Variants in UGT2A2 observed in about 807,000 individuals in gnomAD.
UGT2A2 encodes the protein UDP glucuronosyltransferase family 2 member A2.
In UGT2A2, 60 loss-of-function variants were observed where a neutral mutation model predicts 50.7. That is an observed-to-expected ratio of 1.18 (90% CI 0.96 to 1.47). The LOEUF is 1.47. UGT2A2 is among the 40% of genes most tolerant of loss of function. UGT2A2 has a pLI of 0.00. For missense variants in UGT2A2, 762 were observed against 634.0 expected (o/e 1.20, Z -2.17); for synonymous variants, 242 against 214.6 (o/e 1.13, Z -1.11).
At chr4:69,590,465 G>A (rs145944922) in intron 5 of UGT2A2, among the ~76,000 whole-genome samples, 2 of 152,092 alleles carry the variant, frequency 1.3e-5, no homozygotes, top group South Asian at 4.1e-4. Context: ...TTTGTGTCTG[G>A]AAGAAAAGTT....
At chr4:69,590,720 C>T (rs188490798) in intron 5 of UGT2A2, among the ~76,000 whole-genome samples, 14 of 151,610 alleles carry the variant, frequency 9.2e-5, no homozygotes, top group South Asian at 2.1e-4. Context: ...ATGGATCATC[C>T]GAATATACTT....
intron 5 of UGT2A2, among the ~76,000 whole-genome samples, chr4:69,593,326 T>C (rs1284082961): frequency 6.6e-6 from 1 of 151,970 alleles, no homozygotes; most frequent in Non-Finnish European, 1.5e-5. Context: ...AAAAATGACA[T>C]AAATATTGGT....
At position 69,599,309 on chromosome 4, in the gene UGT2A2, T is replaced by C. The variant is rs141874261; in HGVS notation, c.828A>G (p.Pro276=). The change falls in exon 2 of 6, where the codon CCA becomes CCG. Residue 276 remains proline, a synonymous_variant. Transcript: ENST00000604629. The part of the protein sequence containing the change: ...RTYWDFEFPR[P]YLPNFEFVGG... ...CAACAAACTCAAAATTAGGTAAGTA[T>C]GGACGAGGAAATTCAAAATCCCAAT... is the stretch of plus-strand genomic sequence containing the variant. The C allele has an allele frequency of 5.7e-5, 92 of 1,613,794 alleles. No homozygotes were observed. Among genetic ancestry groups the C allele is most frequent in the Non-Finnish European group, 7.3e-5 (86 of 1,179,954 alleles).
At chr4:69,616,535 A>C (rs949413730) in intron 1 of UGT2A2, among the ~76,000 whole-genome samples, 10 of 151,954 alleles carry the variant, frequency 6.6e-5, no homozygotes, top group African/African-American at 2.2e-4. Context: ...AAAAATGAAA[A>C]CTTAAACAAT....
chr4:69,590,468 G>T (rs4148308), intron 5 of UGT2A2, among the ~76,000 whole-genome samples: 93,648 of 152,018 alleles, frequency 0.62, 29,072 homozygotes, highest in East Asian at 0.74. Context: ...GTGTCTGGAA[G>T]AAAAGTTCCA....
chr4:69,618,957 T>G (rs914206947), intron 1 of UGT2A2, among the ~76,000 whole-genome samples: 10 of 152,050 alleles, frequency 6.6e-5, no homozygotes, highest in Middle Eastern at 3.4e-3. Flanking sequence ...TTGTTTAACA[T>G]ACTTTAAATT....
rs1719136350 is a variant in UGT2A2 at position 69,599,540 on chromosome 4, G to C, written c.743-146C>G. On this transcript the variant is annotated intron_variant, in intron 1 of 5. Transcript: ENST00000604629. ...AATACTTATCATGTTTATATATTAA[G>C]AAGAAGGAGAAATTAAAGAGGATGG... The C allele has an allele frequency of 2.6e-6, 3 of 1,132,840 alleles. No homozygotes were observed. The Admixed American group carries it at 1.1e-4, about 40-fold the overall frequency. 70.2% of individuals were successfully genotyped at this position (1,132,840 alleles called of 1,614,324 possible).
In UGT2A2 at chr4:69,596,247, G is replaced by T; in HGVS notation, c.1023+3C>A. The T allele has an allele frequency of 6.4e-7, 1 of 1,569,880 alleles. No homozygotes were observed. The highest frequency in any genetic ancestry group is 8.6e-7 in the Non-Finnish European group (1 of 1,158,176). ...GTGTACCAGGATTCCAGGCTGTACT[G>T]ACCTTCTGTGGAATCTGGGCAAGGG... On this transcript the variant is annotated splice_donor_region_variant and intron_variant, in intron 3 of 5. Coordinates refer to ENST00000604629, the MANE Select transcript of UGT2A2 (RefSeq NM_001105677.2).
intron 3 of UGT2A2, among the ~76,000 whole-genome samples, 164 bp from the exon 4 acceptor site, chr4:69,595,413 C>G (rs1374319259): frequency 6.6e-6 from 1 of 152,120 alleles, no homozygotes; most frequent in East Asian, 1.9e-4. Context: ...TTATATGTAC[C>G]TTTTTGTAAA....
Position 69,603,329 on chromosome 4 carries a change from T to G in UGT2A2, c.743-3935A>C, listed in dbSNP as rs920803910. Among the ~76,000 whole-genome samples the G allele has an allele frequency of 2.2e-5, 3 of 136,484 alleles. 1 individual carries two copies. The highest frequency in any genetic ancestry group is 4.7e-5 in the Non-Finnish European group (3 of 64,206). 89.5% of individuals were successfully genotyped at this position (136,484 alleles called of 152,430 possible). On this transcript the variant is annotated intron_variant, in intron 1 of 5. Coordinates refer to ENST00000604629, the MANE Select transcript of UGT2A2 (RefSeq NM_001105677.2). ...AAACAAAACCACTTATGTAATGAAATTCATGAATGACAAAGATGCAGGCAT... is the reference window on the plus strand; with the variant it reads ...AAACAAAACCACTTATGTAATGAAAGTCATGAATGACAAAGATGCAGGCAT...
chr4:69,620,125 C>T (rs6825253), intron 1 of UGT2A2, among the ~76,000 whole-genome samples: 53,438 of 151,718 alleles, frequency 0.35, 9,746 homozygotes, highest in African/African-American at 0.43. Flanking sequence ...TACTGGAAGT[C>T]CTTCCAGAGC....
intron 2 of UGT2A2, among the ~76,000 whole-genome samples, chr4:69,597,930 A>G (rs556239437): frequency 2.4e-4 from 36 of 152,242 alleles, no homozygotes; most frequent in African/African-American, 8.4e-4. Flanking sequence ...ACATAATGGC[A>G]TAATGTCTGC....
At position 69,639,371 on chromosome 4, in the gene UGT2A2, G is replaced by T. The variant is rs193223396; in HGVS notation, c.270C>A (p.Ser90Arg). The T allele has an allele frequency of 1.2e-6, 2 of 1,613,598 alleles. No individual in the cohort carries two copies. The highest frequency in any genetic ancestry group is 4.5e-5 in the East Asian group (2 of 44,868). ...TATGCTCAATTAAGGAATCTATATT[G>T]CTCTTCTTGTAGGAAACAGGTATCA... ...FEVIPVSYKK[S>R]NIDSLIEHMI... The change falls in exon 1 of 6, where the codon AGC (serine) becomes AGA (arginine). Residue 90 changes from serine (S) to arginine (R), a missense_variant. Physicochemically the swap from Ser to Arg is moderately radical, Grantham distance 110. Coordinates refer to ENST00000604629, the MANE Select transcript of UGT2A2 (RefSeq NM_001105677.2).
intron 1 of UGT2A2, among the ~76,000 whole-genome samples, chr4:69,630,738 G>A (rs1189156963): frequency 6.6e-6 from 1 of 152,090 alleles, no homozygotes; most frequent in African/African-American, 2.4e-5. Flanking sequence ...GTTTTATTAT[G>A]TTAGCGAACT....
intron 1 of UGT2A2, among the ~76,000 whole-genome samples, chr4:69,636,651 T>A (rs1471787095): frequency 6.6e-6 from 1 of 152,162 alleles, no homozygotes; most frequent in Non-Finnish European, 1.5e-5. Context: ...AAACCATTTA[T>A]TTTTTGTAGA....
chr4:69,639,239 G>C lies in UGT2A2; in HGVS notation c.402C>G (p.Leu134=). The C allele has an allele frequency of 6.2e-7, 1 of 1,613,684 alleles. No homozygotes were observed. The highest frequency in any genetic ancestry group is 8.5e-7 in the Non-Finnish European group (1 of 1,179,750). ...TTGGGTTCTTTAGTACACCATCACA[G>C]AGTTGTATGTTAATTTGAAAGAAAG... is the stretch of plus-strand genomic sequence containing the variant. ...LDTFFQINIQ[L]CDGVLKNPKL... is the part of the protein sequence containing the mutation. The change falls in exon 1 of 6, where the codon CTC becomes CTG. Residue 134 remains leucine (L), a synonymous_variant. Transcript: ENST00000604629.
rs1306682840 is a variant in UGT2A2 at position 69,639,560 on chromosome 4, A to T, written c.81T>A (p.Val27=). ...GCCAAATTAACACATTCCCACTTAG[A>T]ACAACTTCAGTCAGAGTCAAATTAA... ...LVFNLTLTEV[V]LSGNVLIWPT... is the part of the protein sequence containing the mutation. Residue 27 remains valine, a synonymous_variant, in exon 1 of 6, where the codon GTT becomes GTA. Coordinates refer to ENST00000604629, the MANE Select transcript of UGT2A2 (RefSeq NM_001105677.2). 6.2e-7 allele frequency: 1 copy of T among 1,612,634 alleles called. No homozygotes were observed. The highest frequency in any genetic ancestry group is 1.1e-5 in the South Asian group (1 of 90,736).
chr4:69,634,099 GC>G (rs1721537307), intron 1 of UGT2A2, among the ~76,000 whole-genome samples: 1 of 151,962 alleles, frequency 6.6e-6, no homozygotes, highest in Non-Finnish European at 1.5e-5. Context: ...CAAAAAATTA[GC>G]CGGGCTTGGT....
At position 69,639,237 on chromosome 4, in the gene UGT2A2, C is replaced by T; in HGVS notation, c.404G>A (p.Cys135Tyr). 6.2e-7 allele frequency: 1 copy of T among 1,613,652 alleles called. No individual in the cohort carries two copies. Among genetic ancestry groups the T allele is most frequent in the South Asian group, 1.1e-5 (1 of 91,036 alleles). Reference sequence around the variant, plus strand: ...CTTTGGGTTCTTTAGTACACCATCACAGAGTTGTATGTTAATTTGAAAGAA... The same window carrying T: ...CTTTGGGTTCTTTAGTACACCATCATAGAGTTGTATGTTAATTTGAAAGAA... Reference protein sequence around the residue: ...DTFFQINIQLCDGVLKNPKLM... With the variant: ...DTFFQINIQLYDGVLKNPKLM... Residue 135 changes from cysteine (C) to tyrosine (Y), a missense_variant, in exon 1 of 6, where the codon TGT (cysteine) becomes TAT (tyrosine). Physicochemically the swap from Cys to Tyr is radical, Grantham distance 194. Coordinates refer to ENST00000604629, the MANE Select transcript of UGT2A2 (RefSeq NM_001105677.2).
Sources: gnomAD v4.1 joint callset for allele counts (sites outside exome capture counted in the v4.1 genomes callset) on GRCh38, gnomAD v4.1.1 for gene constraint, MANE v1.5 for transcripts, NCBI Gene and HGNC (gene_info 2026-07-23, HGNC 2026-07-21) for gene names.